SH3GL2: variants seen among roughly 807,000 people sequenced by gnomAD.
SH3GL2 encodes the protein SH3 domain containing GRB2 like 2, endophilin A1, also known as endophilin-A1.
In SH3GL2, 24 loss-of-function variants were observed where a neutral mutation model predicts 46.0. The ratio of observed to expected loss-of-function variants is 0.52; its 90% CI spans 0.38 to 0.73. The LOEUF (loss-of-function observed/expected upper bound fraction) is 0.73. SH3GL2 is among the 30% of genes least tolerant of loss of function. The pLI is 0.00. For missense variants in SH3GL2, 413 were observed against 424.2 expected (o/e 0.97, Z 0.23); for synonymous variants, 196 against 147.1 (o/e 1.33, Z -2.40).
At chr9:17,782,330 C>T (rs1254504241) in intron 3 of SH3GL2, among the ~76,000 whole-genome samples, 2 of 152,076 alleles carry the variant, frequency 1.3e-5, no homozygotes, top group African/African-American at 4.8e-5. Flanking sequence ...TCTGTGAGAG[C>T]ACGTGATCAC....
intron 1 of SH3GL2, among the ~76,000 whole-genome samples, chr9:17,661,982 T>C (rs73645118): frequency 3.3e-5 from 5 of 152,210 alleles, no homozygotes; most frequent in Non-Finnish European, 5.9e-5. Flanking sequence ...TTGTCTTTCA[T>C]GTTTGATTCT....
chr9:17,785,322 T>C (rs1823924327), intron 3 of SH3GL2, among the ~76,000 whole-genome samples: 1 of 152,206 alleles, frequency 6.6e-6, no homozygotes, highest in African/African-American at 2.4e-5. Context: ...TTATAAACTT[T>C]GTGAAAGCAG....
At chr9:17,779,894 ATCT>A (rs1332403121) in intron 3 of SH3GL2, among the ~76,000 whole-genome samples, 1 of 152,128 alleles carries the variant, frequency 6.6e-6, no homozygotes, top group Non-Finnish European at 1.5e-5. Flanking sequence ...CCACTCTAAA[ATCT>A]TCTCTTTGTC....
chr9:17,626,352 C>G (rs7847429), intron 1 of SH3GL2, among the ~76,000 whole-genome samples: 25,715 of 152,154 alleles, frequency 0.17, 2,272 homozygotes, highest in Middle Eastern at 0.24. Flanking sequence ...AGTTGAGCCA[C>G]TCTGAGGTTA....
intron 7 of SH3GL2, among the ~76,000 whole-genome samples, chr9:17,792,199 C>T (rs1177218174): frequency 1.3e-5 from 2 of 152,136 alleles, no homozygotes; most frequent in African/African-American, 2.4e-5. Context: ...TCAGGCTGAT[C>T]TCATTTCAGT....
At chr9:17,665,981 T>G (rs1820332243) in intron 1 of SH3GL2, among the ~76,000 whole-genome samples, 1 of 150,862 alleles carries the variant, frequency 6.6e-6, no homozygotes, top group South Asian at 2.1e-4. Context: ...AGTCCTCCTT[T>G]CCATATTTGT....
At chr9:17,779,097 G>C (rs1230660505) in intron 3 of SH3GL2, among the ~76,000 whole-genome samples, 1 of 152,116 alleles carries the variant, frequency 6.6e-6, no homozygotes, top group Non-Finnish European at 1.5e-5. Flanking sequence ...CAATTGGCCA[G>C]ACCTGATAAG....
intron 1 of SH3GL2, among the ~76,000 whole-genome samples, chr9:17,633,209 A>G (rs990539057): frequency 4.6e-5 from 7 of 152,050 alleles, no homozygotes; most frequent in African/African-American, 1.7e-4. Context: ...TTTCACAACC[A>G]TGTGGGAATG....
chr9:17,600,379 G>A (rs553707910), intron 1 of SH3GL2, among the ~76,000 whole-genome samples: 3 of 152,286 alleles, frequency 2.0e-5, no homozygotes, highest in South Asian at 4.2e-4. Context: ...ATGTAATGTC[G>A]AAGGGAGAAT....
At chr9:17,777,816 T>C (rs1188801920) in intron 3 of SH3GL2, among the ~76,000 whole-genome samples, 2 of 152,052 alleles carry the variant, frequency 1.3e-5, no homozygotes, top group Non-Finnish European at 2.9e-5. Context: ...TACAATTACA[T>C]TGGGTATTGG....
intron 1 of SH3GL2, among the ~76,000 whole-genome samples, chr9:17,597,962 C>G (rs943373224): frequency 6.6e-6 from 1 of 152,188 alleles, no homozygotes; most frequent in African/African-American, 2.4e-5. Context: ...GGATAAAATA[C>G]TCATTCCCTG....
chr9:17,686,056 T>G (rs1236527845), intron 1 of SH3GL2, among the ~76,000 whole-genome samples: 6 of 141,024 alleles, frequency 4.3e-5, no homozygotes, highest in Admixed American at 3.5e-4. Context: ...GACAAAGGGC[T>G]AATATCCAGA....
chr9:17,616,338 C>T (rs1213188878), intron 1 of SH3GL2, among the ~76,000 whole-genome samples: 1 of 152,104 alleles, frequency 6.6e-6, no homozygotes, highest in Non-Finnish European at 1.5e-5. Context: ...GCATTTTTTT[C>T]CATTGAGGGC....
In SH3GL2 at chr9:17,796,927, G is replaced by A. The variant is rs1242509173; in HGVS notation, c.*1184G>A. 1 of 152,602 alleles carries A rather than the reference G, an allele frequency of 6.6e-6. No individual in the cohort carries two copies. Among genetic ancestry groups the A allele is most frequent in the Non-Finnish European group, 1.5e-5 (1 of 68,046 alleles). The allele number at this position is 152,602 out of a possible 1,614,324, so 9.5% of individuals were successfully genotyped here. ...TCAGTGTGTTTTTTTATTTGTATCA[G>A]TCATGAAAGTCCTGTTAGGTATGCA... On this transcript the variant is annotated 3_prime_UTR_variant, in exon 9 of 9. Coordinates refer to ENST00000380607, the MANE Select transcript of SH3GL2 (RefSeq NM_003026.5).
chr9:17,579,780 G>T (rs1357597993), intron 1 of SH3GL2, among the ~76,000 whole-genome samples: 1 of 152,178 alleles, frequency 6.6e-6, no homozygotes, highest in Non-Finnish European at 1.5e-5. Context: ...TTACCCTGTT[G>T]TCAGAACCCT....
At chr9:17,639,702 TATTC>T (rs1819629256) in intron 1 of SH3GL2, among the ~76,000 whole-genome samples, 1 of 152,224 alleles carries the variant, frequency 6.6e-6, no homozygotes, top group Non-Finnish European at 1.5e-5. Context: ...TTTATGTGAA[TATTC>T]ATGGCAGTGC....
In SH3GL2 at chr9:17,592,114, G is replaced by T. The variant is rs187670335; in HGVS notation, c.45+12827G>T. ...TGGTGTAATACAGTCCAAGTCCAAA[G>T]GCCTGAGGCCCCGGGGAGCTGCTGG... is the stretch of plus-strand genomic sequence containing the variant. On this transcript the variant is annotated intron_variant, in intron 1 of 8. Transcript: ENST00000380607. 2.0e-3 allele frequency among the ~76,000 whole-genome samples: 301 copies of T among 152,276 alleles called. 1 individual carries two copies. Among genetic ancestry groups the T allele is most frequent in the African/African-American group, 6.9e-3 (285 of 41,558 alleles).
chr9:17,767,531 A>T (rs766982833), intron 3 of SH3GL2, among the ~76,000 whole-genome samples: 1 of 152,320 alleles, frequency 6.6e-6, no homozygotes, highest in East Asian at 1.9e-4. Flanking sequence ...CTCACAACAC[A>T]CTGAATTTAC....
chr9:17,594,015 T>C (rs1390991852), intron 1 of SH3GL2, among the ~76,000 whole-genome samples: 2 of 152,204 alleles, frequency 1.3e-5, no homozygotes, highest in Non-Finnish European at 2.9e-5. Context: ...TGACGTTCTG[T>C]GCTTCTGGTC....
Sources: gnomAD v4.1 joint callset for allele counts (sites outside exome capture counted in the v4.1 genomes callset) on GRCh38, gnomAD v4.1.1 for gene constraint, MANE v1.5 for transcripts, NCBI Gene and HGNC (gene_info 2026-07-23, HGNC 2026-07-21) for gene names.